Variants in KLF8 observed in about 807,000 individuals in gnomAD.
The protein encoded by KLF8 is Krueppel-like factor 8.
Under a neutral mutation model 18.2 loss-of-function variants are expected in KLF8, and 10 were observed. The observed-to-expected ratio is 0.55, with a 90% CI of 0.34 to 0.93. The LOEUF (loss-of-function observed/expected upper bound fraction) is 0.93. Among genes scored for constraint, KLF8 ranks in the 40% least tolerant of loss-of-function variants. The probability of loss-of-function intolerance (pLI) is 0.02; values close to 1 mark genes in which losing one functional copy is unlikely to be tolerated. For synonymous variants in KLF8, 109 were observed against 97.3 expected, an observed-to-expected ratio of 1.12 and a Z score of -0.71; for missense variants, 264 against 277.9, an observed-to-expected ratio of 0.95 and a Z score of 0.36.
the KLF8 span, among the ~76,000 whole-genome samples, chrX:56,174,776 C>G: frequency 9.0e-6 from 1 of 111,468 alleles, no homozygotes; most frequent in Non-Finnish European, 1.9e-5. Flanking sequence ...ATTTCAGATC[C>G]TGTTATTGGT....
At chrX:55,946,023 A>G in the KLF8 span, among the ~76,000 whole-genome samples, 1 of 111,922 alleles carries the variant, frequency 8.9e-6, no homozygotes, top group Non-Finnish European at 1.9e-5. Flanking sequence ...ACGCTCTTGC[A>G]TAGGAAGAAT....
At chrX:56,020,698 C>T in the KLF8 span, among the ~76,000 whole-genome samples, 7 of 111,395 alleles carry the variant, frequency 6.3e-5, no homozygotes, top group Admixed American at 9.5e-5. Context: ...TTTAGATAGA[C>T]GGCCTATTGT....
At chrX:56,160,466 T>C in the KLF8 span, among the ~76,000 whole-genome samples, 1 of 111,496 alleles carries the variant, frequency 9.0e-6, no homozygotes, top group Non-Finnish European at 1.9e-5. Flanking sequence ...GTCTCGTTGA[T>C]CTGTCTAATG....
At chrX:56,283,998 T>C (rs1192384470) in intron 5 of KLF8, among the ~76,000 whole-genome samples, 1 of 111,804 alleles carries the variant, frequency 8.9e-6, no homozygotes, top group Non-Finnish European at 1.9e-5. Flanking sequence ...ATGTATTGTA[T>C]TATTGAAAAT....
the KLF8 span, among the ~76,000 whole-genome samples, chrX:56,138,649 C>T: frequency 9.0e-6 from 1 of 110,983 alleles, no homozygotes; most frequent in Non-Finnish European, 1.9e-5. Context: ...ACTAATTAGG[C>T]ATTGAAGGAA....
chrX:56,205,876 G>C, the KLF8 span, among the ~76,000 whole-genome samples: 1 of 111,340 alleles, frequency 9.0e-6, no homozygotes, highest in Non-Finnish European at 1.9e-5. Flanking sequence ...GTATTAGTCT[G>C]TTTTCAGGCT....
intron 1 of KLF8, among the ~76,000 whole-genome samples, chrX:56,245,561 T>G (rs1179987264): frequency 1.8e-5 from 2 of 111,745 alleles, no homozygotes; most frequent in African/African-American, 6.5e-5. Flanking sequence ...TATTTCTTCC[T>G]CCTCTGTTTC....
At chrX:55,913,558 C>G in the KLF8 span, among the ~76,000 whole-genome samples, 1 of 111,482 alleles carries the variant, frequency 9.0e-6, no homozygotes, top group Non-Finnish European at 1.9e-5. Context: ...ATACAACCAT[C>G]TGCAACCCAA....
the KLF8 span, among the ~76,000 whole-genome samples, chrX:56,159,011 T>C: frequency 8.0e-5 from 9 of 111,860 alleles, no homozygotes; most frequent in African/African-American, 1.6e-4. Flanking sequence ...CAGTATGATA[T>C]TGGATGTGGG....
chrX:56,000,475 TGG>T, the KLF8 span, among the ~76,000 whole-genome samples: 14,707 of 35,953 alleles, frequency 0.41, 3,566 homozygotes, highest in African/African-American at 0.73. Flanking sequence ...TGCTTTTTCT[TGG>T]GGGGGGGGGG....
chrX:56,003,871 C>A, the KLF8 span, among the ~76,000 whole-genome samples: 1 of 112,053 alleles, frequency 8.9e-6, no homozygotes. Context: ...GCCTGAAAAT[C>A]ATTTTCCGTG....
chrX:55,954,607 A>G, the KLF8 span, among the ~76,000 whole-genome samples: 1 of 112,294 alleles, frequency 8.9e-6, no homozygotes, highest in Non-Finnish European at 1.9e-5. Context: ...TAGTCCAGTC[A>G]CTTTGGAAAA....
At chrX:56,083,845 T>C in the KLF8 span, among the ~76,000 whole-genome samples, 3 of 111,845 alleles carry the variant, frequency 2.7e-5, no homozygotes, top group Admixed American at 1.9e-4. Flanking sequence ...CTATAACTAA[T>C]GCCTGATAAT....
chrX:55,975,294 G>A, the KLF8 span, among the ~76,000 whole-genome samples: 1 of 111,578 alleles, frequency 9.0e-6, no homozygotes, highest in South Asian at 3.8e-4. Flanking sequence ...TGGCATGTTG[G>A]GAGGATTTAA....
the KLF8 span, among the ~76,000 whole-genome samples, chrX:56,164,000 G>A: frequency 1.8e-5 from 2 of 111,853 alleles, no homozygotes; most frequent in African/African-American, 6.5e-5. Context: ...GGTTACTGTA[G>A]ACTTGTAGTA....
At chrX:56,005,772 G>T in the KLF8 span, among the ~76,000 whole-genome samples, 1 of 112,261 alleles carries the variant, frequency 8.9e-6, no homozygotes, top group Admixed American at 9.4e-5. Context: ...GGTGGCTGTG[G>T]GTGATAGCAT....
At chrX:56,224,394 A>T in the KLF8 span, among the ~76,000 whole-genome samples, 1 of 112,258 alleles carries the variant, frequency 8.9e-6, no homozygotes, top group South Asian at 3.7e-4. Flanking sequence ...ACAAAGAAGT[A>T]TAATAAAGGA....
At chrX:56,129,985 AC>A in the KLF8 span, among the ~76,000 whole-genome samples, 3 of 109,883 alleles carry the variant, frequency 2.7e-5, no homozygotes, top group African/African-American at 1.0e-4. Flanking sequence ...TGGGTACCAT[AC>A]CCCCAACCTC....
chrX:56,180,125 C>A, the KLF8 span, among the ~76,000 whole-genome samples: 1 of 111,320 alleles, frequency 9.0e-6, no homozygotes, highest in East Asian at 2.8e-4. Flanking sequence ...TGATCCTGGA[C>A]TTTTTTTGGT....
Sources: allele counts gnomAD v4.1 joint callset (sites outside exome capture counted in the v4.1 genomes callset), GRCh38; gene constraint gnomAD v4.1.1; transcripts MANE v1.5; gene names NCBI Gene and HGNC (gene_info 2026-07-23, HGNC 2026-07-21).